P2RX1: variants seen among roughly 807,000 people sequenced by gnomAD.
The protein encoded by P2RX1 is purinergic receptor P2X 1.
Under a neutral mutation model 50.3 loss-of-function variants are expected in P2RX1, and 42 were observed. The ratio of observed to expected loss-of-function variants is 0.83; its 90% CI spans 0.65 to 1.08. The LOEUF is 1.08. Ranked by LOEUF, P2RX1 falls within the 50% of genes least tolerant of loss-of-function variation. The pLI is 0.00. For missense variants in P2RX1, 449 were observed against 529.0 expected (o/e 0.85, Z 1.48); for synonymous variants, 199 against 202.6 (o/e 0.98, Z 0.15).
At chr17:3,904,274 G>A in intron 4 of P2RX1, 56 bp downstream of exon 4, 17 of 1,523,078 alleles carry the variant, frequency 1.1e-5, no homozygotes, top group Non-Finnish European at 1.5e-5. Flanking sequence ...GGGCCTGCAG[G>A]ACGTCAGGGA....
intron 3 of P2RX1, 67 bp from the exon 4 acceptor site, chr17:3,904,466 C>A (rs1027181864): frequency 1.4e-6 from 2 of 1,407,316 alleles, no homozygotes; most frequent in Non-Finnish European, 2.0e-6. Flanking sequence ...CCCCTCTCCC[C>A]ACCCCCCAGG....
intron 1 of P2RX1, among the ~76,000 whole-genome samples, chr17:3,909,652 G>T (rs1321353343): frequency 6.6e-6 from 1 of 152,132 alleles, no homozygotes; most frequent in East Asian, 1.9e-4. Flanking sequence ...TTAGAGACCA[G>T]CCTGGGCAAC....
intron 1 of P2RX1, among the ~76,000 whole-genome samples, chr17:3,910,012 T>C (rs2056335984): frequency 6.8e-6 from 1 of 147,390 alleles, no homozygotes; most frequent in African/African-American, 2.5e-5. Context: ...TCTCGCTCTG[T>C]CCCCCAGACT....
At chr17:3,901,437 C>G (rs761860114) in intron 7 of P2RX1, among the ~76,000 whole-genome samples, 2 of 152,160 alleles carry the variant, frequency 1.3e-5, no homozygotes, top group Admixed American at 1.3e-4. Context: ...GGCATCAACC[C>G]CCTCCAGGGG....
Position 3,904,839 on chromosome 17 carries a change from G to A in P2RX1, c.357+19C>T. 1.3e-6 allele frequency: 2 copies of A among 1,577,380 alleles called. No individual in the cohort carries two copies. The highest frequency in any genetic ancestry group is 2.3e-5 in the East Asian group (1 of 44,040). On this transcript the variant is annotated intron_variant, in intron 3 of 11. Transcript: ENST00000225538. ...CCCCTGTGAGTCCCAGAAGGGGGCT[G>A]GCGGGCAGAAGTCCTCACCTCTGCG... is the stretch of plus-strand genomic sequence containing the variant.
rs1567646976 is a variant in P2RX1 at position 3,897,818 on chromosome 17, G to A, written c.1196C>T (p.Ser399Phe). ...TLGLQENMRT[S>F] ...TCAGGAGTTGGGGCCCGAGCATCAG[G>A]ATGTCCTCATGTTCTCCTGCAGGCC... The change falls in exon 12 of 12, where the codon TCC (serine) becomes TTC (phenylalanine). Residue 399 changes from serine (S) to phenylalanine (F), a missense_variant. Transcript: ENST00000225538. 2.5e-6 allele frequency: 4 copies of A among 1,612,938 alleles called. No homozygotes were observed. Among genetic ancestry groups the A allele is most frequent in the Non-Finnish European group, 8.5e-7 (1 of 1,179,938 alleles).
rs1422109391 is a variant in P2RX1, at chr17:3,914,736, T to TG, written c.137+1352dup. Among the ~76,000 whole-genome samples, 1 of 152,138 alleles carries TG rather than the reference T, an allele frequency of 6.6e-6. No homozygotes were observed. The highest frequency in any genetic ancestry group is 1.5e-5 in the Non-Finnish European group (1 of 68,020). The stretch of plus-strand genomic sequence containing the variant: ...GGAAGGAGAAGGCACAGCAGAGGCC[T>TG]GGGGGTCAGGAGGGCTCAGCTGCAA... On this transcript the variant is annotated intron_variant, in intron 1 of 11. Coordinates refer to ENST00000225538, the MANE Select transcript of P2RX1 (RefSeq NM_002558.4). This position sits in a 1 kb window ranked among gnomAD's most constrained non-coding sequence, Gnocchi z 4.1.
rs1003609762 is a variant in P2RX1, at chr17:3,916,080, C to G, written c.137+9G>C. On this transcript the variant is annotated intron_variant, in intron 1 of 11. Coordinates refer to ENST00000225538, the MANE Select transcript of P2RX1 (RefSeq NM_002558.4). ...GCTGGTGCAGGCAGCGGGAGGCGCC[C>G]GGACTCACCCGATGACGTAGACCAG... The G allele has an allele frequency of 9.9e-6, 16 of 1,613,072 alleles. No homozygotes were observed. The highest frequency in any genetic ancestry group is 5.0e-5 in the Admixed American group (3 of 60,008).
chr17:3,898,519 T>C lies in P2RX1; in HGVS notation c.997A>G (p.Thr333Ala), dbSNP rs754397998. Residue 333 changes from threonine (T) to alanine (A), a missense_variant, in exon 10 of 12, where the codon ACC (threonine) becomes GCC (alanine). Coordinates refer to ENST00000225538, the MANE Select transcript of P2RX1 (RefSeq NM_002558.4). ...AGKFDIIPTM[T>A]TIGSGIGIFG... ...ATGCCAATTCCAGAGCCGATGGTGG[T>C]CATTGTAGGGATGATGTCAAACTTC... The C allele has an allele frequency of 2.7e-5, 43 of 1,613,834 alleles. No individual in the cohort carries two copies. Among genetic ancestry groups the C allele is most frequent in the Non-Finnish European group, 3.4e-5 (40 of 1,179,892 alleles).
Position 3,898,528 on chromosome 17 carries a change from G to C in P2RX1, c.988C>G (p.Pro330Ala). Residue 330 changes from proline to alanine, a missense_variant, in exon 10 of 12, where the codon CCT (proline) becomes GCT (alanine). Coordinates refer to ENST00000225538, the MANE Select transcript of P2RX1 (RefSeq NM_002558.4). Reference sequence around the variant, plus strand: ...CCAGAGCCGATGGTGGTCATTGTAGGGATGATGTCAAACTTCCCGGCCTGG... The same window carrying C: ...CCAGAGCCGATGGTGGTCATTGTAGCGATGATGTCAAACTTCCCGGCCTGG... ...DGKAGKFDII[P>A]TMTTIGSGIG... is the part of the protein sequence containing the mutation. 1 of 1,613,944 alleles carries C rather than the reference G, an allele frequency of 6.2e-7. No individual in the cohort carries two copies. The highest frequency in any genetic ancestry group is 8.5e-7 in the Non-Finnish European group (1 of 1,179,864).
Position 3,904,852 on chromosome 17 carries a change from C to T in P2RX1, c.357+6G>A. On this transcript the variant is annotated splice_donor_region_variant and intron_variant, in intron 3 of 11. Coordinates refer to ENST00000225538, the MANE Select transcript of P2RX1 (RefSeq NM_002558.4). ...CAGAAGGGGGCTGGCGGGCAGAAGT[C>T]CTCACCTCTGCGCAGTAGCCTTGAG... 1 of 1,588,420 alleles carries T rather than the reference C, an allele frequency of 6.3e-7. No homozygotes were observed. The highest frequency in any genetic ancestry group is 8.6e-7 in the Non-Finnish European group (1 of 1,167,466).
chr17:3,905,066 A>T (rs1269029309), intron 2 of P2RX1, 137 bp from the exon 3 acceptor site: 1 of 1,166,150 alleles, frequency 8.6e-7, no homozygotes, highest in African/African-American at 1.5e-5. Context: ...TGCCACCAAC[A>T]TGGGGTGATA....
chr17:3,905,097 G>C (rs1020196089), intron 2 of P2RX1, 123 bp downstream of exon 2: 1 of 1,372,918 alleles, frequency 7.3e-7, no homozygotes, highest in Middle Eastern at 2.5e-4. Flanking sequence ...GCTTCTGCCC[G>C]GCATTCACAG....
chr17:3,898,174 A>AT, intron 10 of P2RX1, 64 bp from the exon 11 acceptor site: 1 of 1,350,928 alleles, frequency 7.4e-7, no homozygotes, highest in Non-Finnish European at 1.1e-6. Context: ...AGCCCTCCAC[A>AT]TCCCACCTCA....
chr17:3,905,388 G>T, intron 1 of P2RX1, 21 bp from the exon 2 acceptor site: 3 of 1,612,748 alleles, frequency 1.9e-6, no homozygotes, highest in Non-Finnish European at 2.5e-6. Flanking sequence ...GGGGACAGAG[G>T]GGGAGTTGTG....
At chr17:3,912,746 T>A (rs938773083) in intron 1 of P2RX1, among the ~76,000 whole-genome samples, 14 of 152,224 alleles carry the variant, frequency 9.2e-5, no homozygotes, top group African/African-American at 3.1e-4. Flanking sequence ...CCACCTCTGT[T>A]CCCCGGCACA....
intron 1 of P2RX1, 112 bp from the exon 2 acceptor site, chr17:3,905,479 G>A: frequency 7.8e-7 from 1 of 1,275,546 alleles, no homozygotes; most frequent in South Asian, 1.3e-5. Flanking sequence ...TGCTCCTAAA[G>A]CTCCTGTCTT....
intron 3 of P2RX1, 175 bp from the exon 4 acceptor site, chr17:3,904,574 G>A: frequency 2.9e-6 from 2 of 681,444 alleles, no homozygotes; most frequent in Non-Finnish European, 5.0e-6. Flanking sequence ...CTCTGCCGAG[G>A]CGCCCCCCGG....
At chr17:3,907,976 T>A (rs907907748) in intron 1 of P2RX1, among the ~76,000 whole-genome samples, 10 of 152,242 alleles carry the variant, frequency 6.6e-5, no homozygotes, top group Non-Finnish European at 1.0e-4. Flanking sequence ...AACGTTTCTA[T>A]CTTTGCCCAA....
Sources: allele counts gnomAD v4.1 joint callset (sites outside exome capture counted in the v4.1 genomes callset), GRCh38; gene constraint gnomAD v4.1.1; non-coding constraint Gnocchi (gnomAD v3.1); transcripts MANE v1.5; gene names NCBI Gene and HGNC (gene_info 2026-07-23, HGNC 2026-07-21).